TARS3: variants seen among roughly 807,000 people sequenced by gnomAD.
TARS3 encodes threonine--tRNA ligase 2, cytoplasmic.
Under a neutral mutation model 103.5 loss-of-function variants are expected in TARS3, and 94 were observed. The observed-to-expected ratio is 0.91, with a 90% confidence interval of 0.77 to 1.08. The LOEUF is 1.08. Among genes scored for constraint, TARS3 ranks in the 50% least tolerant of loss-of-function variants. The probability of loss-of-function intolerance (pLI) is 0.00; values close to 1 mark genes in which losing one functional copy is unlikely to be tolerated. For synonymous variants in TARS3, 416 were observed against 355.4 expected, an observed-to-expected ratio of 1.17 and a Z score of -1.92; for missense variants, 952 against 995.2, an observed-to-expected ratio of 0.96 and a Z score of 0.58.
At chr15:101,659,354 C>T (rs1034885530) in intron 16 of TARS3, among the ~76,000 whole-genome samples, 2 of 152,112 alleles carry the variant, frequency 1.3e-5, no homozygotes, top group African/African-American at 4.8e-5. Context: ...TGGTAGAACA[C>T]AGAAATACAG....
At chr15:101,715,294 C>T (rs1026724427) in intron 3 of TARS3, among the ~76,000 whole-genome samples, 2 of 151,166 alleles carry the variant, frequency 1.3e-5, no homozygotes, top group African/African-American at 2.4e-5. Context: ...CTACAGGCGC[C>T]CGCCACTACG....
chr15:101,659,034 C>T (rs1897282428), intron 16 of TARS3, among the ~76,000 whole-genome samples: 1 of 152,192 alleles, frequency 6.6e-6, no homozygotes, highest in Non-Finnish European at 1.5e-5. Flanking sequence ...TCAGGTGATC[C>T]ACCCACCTCG....
chr15:101,705,104 C>T (rs1899489226), intron 7 of TARS3, among the ~76,000 whole-genome samples: 2 of 152,162 alleles, frequency 1.3e-5, no homozygotes, highest in African/African-American at 4.8e-5. Flanking sequence ...CGTATACACA[C>T]GAATAAAGAA....
In TARS3 at chr15:101,694,028, A is replaced by G. The variant is rs4499216; in HGVS notation, c.1320+7058T>C. On this transcript the variant is annotated intron_variant, in intron 10 of 18. Coordinates refer to ENST00000335968, the MANE Select transcript of TARS3 (RefSeq NM_152334.3). The stretch of plus-strand genomic sequence containing the variant: ...TTACTGCATGACAATTAAAAAAGTT[A>G]ATTTAAAAAAAGGTAAGAAAAGTAC... 9.4e-3 allele frequency among the ~76,000 whole-genome samples: 1,430 copies of G among 152,276 alleles called. 21 individuals carry two copies. The highest frequency in any genetic ancestry group is 0.063 in the South Asian group (304 of 4,824).
chr15:101,663,062 G>A (rs1897442914), intron 15 of TARS3, among the ~76,000 whole-genome samples: 1 of 152,066 alleles, frequency 6.6e-6, no homozygotes, highest in African/African-American at 2.4e-5. Flanking sequence ...CTTTTTTGTG[G>A]TCTTGGAGAA....
In TARS3 at chr15:101,715,690, G is replaced by A. The variant is rs545852467; in HGVS notation, c.567-727C>T. Among the ~76,000 whole-genome samples, 390 of 152,236 alleles carry A rather than the reference G, an allele frequency of 2.6e-3. 3 individuals are homozygous for A. Among genetic ancestry groups the A allele is most frequent in the African/African-American group, 9.0e-3 (373 of 41,536 alleles). ...CCTTCCAAAGCAGTCTGGAAGTATT[G>A]TATTTATTAATGAAGCCTCCACTGC... On this transcript the variant is annotated intron_variant, in intron 3 of 18. Coordinates refer to ENST00000335968, the MANE Select transcript of TARS3 (RefSeq NM_152334.3).
intron 13 of TARS3, among the ~76,000 whole-genome samples, chr15:101,675,341 C>T (rs1897978132): frequency 6.6e-6 from 1 of 152,106 alleles, no homozygotes; most frequent in Non-Finnish European, 1.5e-5. Flanking sequence ...AAATCCTGGG[C>T]CAGCTATTAG....
intron 13 of TARS3, among the ~76,000 whole-genome samples, chr15:101,674,816 GA>G (rs1476903206): frequency 1.3e-5 from 2 of 150,354 alleles, no homozygotes; most frequent in Non-Finnish European, 1.5e-5. Context: ...AAAAAAAAAA[GA>G]AAAAAAGAAA....
chr15:101,707,467 C>A (rs59862856), intron 6 of TARS3, among the ~76,000 whole-genome samples: 1,871 of 152,228 alleles, frequency 0.012, 52 homozygotes, highest in African/African-American at 0.044. Flanking sequence ...AATGGATCAA[C>A]AAAATGTGGT....
intron 10 of TARS3, among the ~76,000 whole-genome samples, chr15:101,688,694 A>G (rs1056729405): frequency 8.5e-5 from 13 of 152,184 alleles, no homozygotes; most frequent in African/African-American, 2.7e-4. Flanking sequence ...CAGGACAAAG[A>G]AAATAGGAGA....
At chr15:101,705,288 G>A (rs540497666) in intron 7 of TARS3, among the ~76,000 whole-genome samples, 1 of 152,174 alleles carries the variant, frequency 6.6e-6, no homozygotes, top group Non-Finnish European at 1.5e-5. Context: ...TGGACAATGG[G>A]GCAGACTCTT....
chr15:101,705,755 G>A lies in TARS3; in HGVS notation c.931-8C>T. The A allele has an allele frequency of 1.3e-6, 2 of 1,588,364 alleles. No homozygotes were observed. Among genetic ancestry groups the A allele is most frequent in the Non-Finnish European group, 8.6e-7 (1 of 1,161,554 alleles). Reference sequence around the variant, plus strand: ...GCATTTAAATTTATTGTACTACGAAGAAAAACATATTTACACATTATTACA... The same window carrying A: ...GCATTTAAATTTATTGTACTACGAAAAAAAACATATTTACACATTATTACA... On this transcript the variant is annotated splice_polypyrimidine_tract_variant and splice_region_variant and intron_variant, in intron 6 of 18. Coordinates refer to ENST00000335968, the MANE Select transcript of TARS3 (RefSeq NM_152334.3).
At position 101,723,993 on chromosome 15, in the gene TARS3, CGCCCCCGCACCT is replaced by C. The variant is rs1024831084; in HGVS notation, c.297+86_297+97del. 11 of 1,145,950 alleles carry C rather than the reference CGCCCCCGCACCT, an allele frequency of 9.6e-6. No homozygotes were observed. The African/African-American group carries it at 1.5e-4, about 15-fold the overall frequency. The allele number at this position is 1,145,950 out of a possible 1,614,324, so 71.0% of individuals were successfully genotyped here. A position where few individuals can be genotyped will look rare whatever the true frequency, so the allele number is the denominator to read the frequency against. ...GCACTGGGAGGGCACTCCCCCGGGGCGCCCCCGCACCTGCCCCCGCAGTTGAAAACCTTTCGG... is the reference window on the plus strand; with the variant it reads ...GCACTGGGAGGGCACTCCCCCGGGGCGCCCCCGCAGTTGAAAACCTTTCGG... On this transcript the variant is annotated intron_variant, in intron 1 of 18. Transcript: ENST00000335968.
intron 13 of TARS3, among the ~76,000 whole-genome samples, chr15:101,675,207 ATG>A (rs1342474176): frequency 6.6e-6 from 1 of 152,214 alleles, no homozygotes; most frequent in Non-Finnish European, 1.5e-5. Context: ...GAAGGGGACT[ATG>A]CACATCTACA....
At chr15:101,683,306 A>T (rs1898330741) in intron 12 of TARS3, among the ~76,000 whole-genome samples, 1 of 152,172 alleles carries the variant, frequency 6.6e-6, no homozygotes, top group Admixed American at 6.5e-5. Context: ...TTCATTTGTT[A>T]TATAAAATTG....
At chr15:101,713,835 G>A (rs1899994554) in intron 4 of TARS3, among the ~76,000 whole-genome samples, 1 of 152,198 alleles carries the variant, frequency 6.6e-6, no homozygotes, top group Non-Finnish European at 1.5e-5. Context: ...CTGGAGAGTT[G>A]TGAATTCAGT....
chr15:101,696,210 CAAAAAAAAAAAAAAA>C (rs57512244), intron 10 of TARS3, among the ~76,000 whole-genome samples: 4 of 81,756 alleles, frequency 4.9e-5, no homozygotes, highest in Middle Eastern at 6.5e-3. Flanking sequence ...GACTTTGTCT[CAAAAAAAAAAAAAAA>C]AAAAAAAAAA....
rs980335040 is a variant in TARS3, at chr15:101,703,904, T to C, written c.1029A>G (p.Pro343=). The part of the protein sequence containing the change: ...CGPLIDLCKG[P]HVRHTGKIKT... ...TAATTTTTCCAGTGTGTCTTACATG[T>C]GGACCTTTGCAAAGGTCAATTAATG... Residue 343 remains proline (P), a synonymous_variant, in exon 8 of 19, where the codon CCA becomes CCG. Transcript: ENST00000335968. 2.5e-6 allele frequency: 4 copies of C among 1,613,304 alleles called. No individual in the cohort carries two copies. In the East Asian group the frequency reaches 6.7e-5, roughly 27 times the overall value.
rs1652290514 is a variant in TARS3, at chr15:101,688,908, T to A, written c.1321-2846A>T. On this transcript the variant is annotated intron_variant, in intron 10 of 18. Transcript: ENST00000335968. The stretch of plus-strand genomic sequence containing the variant: ...TTTTTCAGTGTTTCCACTGAAAATT[T>A]CAATGCCATTCAGATACCCAGTCCT... Among the ~76,000 whole-genome samples the A allele has an allele frequency of 2.6e-5, 4 of 152,194 alleles. No homozygotes were observed. The South Asian group carries it at 8.3e-4, about 31-fold the overall frequency.
Sources: allele counts gnomAD v4.1 joint callset (sites outside exome capture counted in the v4.1 genomes callset), GRCh38; gene constraint gnomAD v4.1.1; transcripts MANE v1.5; gene names NCBI Gene and HGNC (gene_info 2026-07-23, HGNC 2026-07-21).